Variants in FBXL7 observed in about 807,000 individuals in gnomAD.
FBXL7 encodes F-box and leucine rich repeat protein 7, also known as F-box/LRR-repeat protein 7.
A neutral mutation model predicts 38.3 loss-of-function variants in FBXL7; 12 were observed. The observed-to-expected ratio is 0.31, with a 90% CI of 0.20 to 0.51. FBXL7 has a LOEUF of 0.51. Among genes scored for constraint, FBXL7 ranks in the 20% least tolerant of loss-of-function variants. The pLI, the probability that FBXL7 is intolerant of heterozygous loss-of-function variation, is 0.98. For missense variants in FBXL7, 567 were observed against 676.4 expected (o/e 0.84, Z 1.79); for synonymous variants, 297 against 300.9 (o/e 0.99, Z 0.13).
intron 2 of FBXL7, among the ~76,000 whole-genome samples, chr5:15,663,700 A>G (rs999877615): frequency 1.3e-5 from 2 of 152,036 alleles, no homozygotes; most frequent in African/African-American, 4.8e-5. Context: ...TAGCTTTTTT[A>G]TGTGCTGCTG....
chr5:15,802,121 T>A (rs1737586010), intron 2 of FBXL7, among the ~76,000 whole-genome samples: 1 of 152,078 alleles, frequency 6.6e-6, no homozygotes. Flanking sequence ...TGGCTCTACC[T>A]CCAAAATCTA....
Position 15,563,968 on chromosome 5 carries a change from G to A in FBXL7, c.38-52015G>A, listed in dbSNP as rs139601736. Among the ~76,000 whole-genome samples the A allele has an allele frequency of 2.0e-4, 31 of 152,114 alleles. No individual in the cohort carries two copies. The East Asian group carries it at 4.1e-3, about 20-fold the overall frequency. ...ATGAGTGTCTCACCAGGTTTTCAGT[G>A]TCCAGCCTCAGCATTTAAAATAAAT... On this transcript the variant is annotated intron_variant, in intron 1 of 3. Transcript: ENST00000504595.
chr5:15,816,791 A>C (rs1579488826), intron 2 of FBXL7, among the ~76,000 whole-genome samples: 1 of 152,292 alleles, frequency 6.6e-6, no homozygotes, highest in East Asian at 1.9e-4. Context: ...AAGCTGCTTA[A>C]TTTTTTATTG....
chr5:15,595,951 T>C (rs1253362772), intron 1 of FBXL7, among the ~76,000 whole-genome samples: 1 of 152,134 alleles, frequency 6.6e-6, no homozygotes, highest in Non-Finnish European at 1.5e-5. Flanking sequence ...TAGATGGGAT[T>C]TGGTGAAATA....
At chr5:15,580,818 C>G (rs1739113932) in intron 1 of FBXL7, 1 of 985,112 alleles carries the variant, frequency 1.0e-6, no homozygotes, top group African/African-American at 1.7e-5. Flanking sequence ...CCCAGGTGAG[C>G]AGAGTCATGG....
intron 2 of FBXL7, among the ~76,000 whole-genome samples, chr5:15,696,459 G>A (rs1205679679): frequency 6.6e-6 from 1 of 152,004 alleles, no homozygotes; most frequent in Non-Finnish European, 1.5e-5. Flanking sequence ...ATTTTTTAAT[G>A]TCTTCTTGTG....
At chr5:15,732,056 C>A (rs1257173605) in intron 2 of FBXL7, among the ~76,000 whole-genome samples, 2 of 152,162 alleles carry the variant, frequency 1.3e-5, no homozygotes, top group Non-Finnish European at 2.9e-5. Context: ...ATCTTAGGAG[C>A]TGTTTTGCCC....
intron 1 of FBXL7, among the ~76,000 whole-genome samples, chr5:15,596,103 T>C (rs780434799): frequency 7.9e-5 from 12 of 152,186 alleles, no homozygotes; most frequent in Admixed American, 2.0e-4. Context: ...AGTACACAGT[T>C]GGAATTAGAA....
intron 1 of FBXL7, among the ~76,000 whole-genome samples, chr5:15,561,026 G>A (rs998767984): frequency 6.6e-5 from 10 of 152,182 alleles, no homozygotes; most frequent in East Asian, 5.8e-4. Context: ...ACATGTTTCC[G>A]TTTTTTGTGG....
chr5:15,705,365 C>A (rs1300511670), intron 2 of FBXL7, among the ~76,000 whole-genome samples: 7 of 152,200 alleles, frequency 4.6e-5, no homozygotes, highest in Admixed American at 4.6e-4. Flanking sequence ...TCCATACTCT[C>A]CTGAGGGCGA....
chr5:15,619,954 A>G (rs2126525134), intron 2 of FBXL7, among the ~76,000 whole-genome samples: 1 of 152,312 alleles, frequency 6.6e-6, no homozygotes, highest in South Asian at 2.1e-4. Context: ...TGGTAAATAA[A>G]GTGAGGACAT....
chr5:15,835,884 C>G (rs1738579715), intron 2 of FBXL7, among the ~76,000 whole-genome samples: 1 of 152,112 alleles, frequency 6.6e-6, no homozygotes. Context: ...AACTATATGT[C>G]TTGTGGCATC....
intron 2 of FBXL7, among the ~76,000 whole-genome samples, chr5:15,708,308 G>A (rs1743753262): frequency 6.6e-6 from 1 of 152,198 alleles, no homozygotes; most frequent in Non-Finnish European, 1.5e-5. Flanking sequence ...AAGGAATTGG[G>A]TCTCTCACTG....
chr5:15,718,914 AGAC>A (rs1394098032), intron 2 of FBXL7, among the ~76,000 whole-genome samples: 1 of 152,194 alleles, frequency 6.6e-6, no homozygotes, highest in East Asian at 1.9e-4. Context: ...AGATAAGCCC[AGAC>A]TTTTCTCCAA....
intron 2 of FBXL7, among the ~76,000 whole-genome samples, chr5:15,850,712 C>T (rs1347136693): frequency 6.6e-6 from 1 of 152,196 alleles, no homozygotes; most frequent in Admixed American, 6.5e-5. Context: ...GTTCCCATTA[C>T]CCATGAGGCT....
intron 2 of FBXL7, among the ~76,000 whole-genome samples, chr5:15,769,584 C>T (rs1736676804): frequency 6.6e-6 from 1 of 152,180 alleles, no homozygotes; most frequent in Admixed American, 6.5e-5. Context: ...ATTCAAAATG[C>T]ACACGCAAAA....
At chr5:15,873,219 A>T (rs1740044808) in intron 2 of FBXL7, among the ~76,000 whole-genome samples, 1 of 152,210 alleles carries the variant, frequency 6.6e-6, no homozygotes, top group Non-Finnish European at 1.5e-5. Flanking sequence ...ACCAATGAGA[A>T]CAAAGACACA....
At chr5:15,612,913 C>G (rs967769782) in intron 1 of FBXL7, among the ~76,000 whole-genome samples, 5 of 152,084 alleles carry the variant, frequency 3.3e-5, no homozygotes, top group Non-Finnish European at 7.4e-5. Context: ...TTAATCTCAG[C>G]AAAATAACAT....
At chr5:15,537,699 T>G (rs1169907725) in intron 1 of FBXL7, among the ~76,000 whole-genome samples, 1 of 152,250 alleles carries the variant, frequency 6.6e-6, no homozygotes, top group African/African-American at 2.4e-5. Flanking sequence ...CCTTTCTGGC[T>G]AGCTACTTCA....
Sources: allele counts gnomAD v4.1 joint callset (sites outside exome capture counted in the v4.1 genomes callset), GRCh38; gene constraint gnomAD v4.1.1; transcripts MANE v1.5; gene names NCBI Gene and HGNC (gene_info 2026-07-23, HGNC 2026-07-21).